The following ST14 variants were observed in gnomAD, a reference collection of about 807,000 sequenced individuals.
ST14 encodes ST14 transmembrane serine protease matriptase, also known as suppressor of tumorigenicity 14 protein.
A neutral mutation model predicts 96.5 loss-of-function variants in ST14; 40 were observed. That is an observed-to-expected ratio of 0.41 (90% confidence interval 0.32 to 0.54). The LOEUF is 0.54. ST14 is among the 20% of genes least tolerant of loss of function. The pLI is 0.17. For synonymous variants in ST14, 506 were observed against 492.1 expected, an observed-to-expected ratio of 1.03 and a Z score of -0.37; for missense variants, 1,066 against 1,188.9, an observed-to-expected ratio of 0.90 and a Z score of 1.52.
At chr11:130,179,366 G>A (rs750810023) in intron 1 of ST14, among the ~76,000 whole-genome samples, 17 of 152,196 alleles carry the variant, frequency 1.1e-4, no homozygotes, top group Non-Finnish European at 2.5e-4. Flanking sequence ...TGCAGGTTTC[G>A]TGAAAATTGG....
At chr11:130,177,942 C>T (rs1953156807) in intron 1 of ST14, among the ~76,000 whole-genome samples, 1 of 152,238 alleles carries the variant, frequency 6.6e-6, no homozygotes, top group Non-Finnish European at 1.5e-5. Context: ...ACCTTTGTGT[C>T]TTTCCACAAG....
Position 130,187,560 on chromosome 11 carries a change from C to T in ST14, c.82-554C>T, listed in dbSNP as rs1953249295. Among the ~76,000 whole-genome samples the T allele has an allele frequency of 6.6e-6, 1 of 152,168 alleles. No individual in the cohort carries two copies. Among genetic ancestry groups the T allele is most frequent in the Non-Finnish European group, 1.5e-5 (1 of 68,032 alleles). On this transcript the variant is annotated intron_variant, in intron 1 of 18. Transcript: ENST00000278742. This position sits in a 1 kb window ranked among gnomAD's most constrained non-coding sequence, Gnocchi z 4.5. The stretch of plus-strand genomic sequence containing the variant: ...CACCTTTTTACTTTTGGCTGGTTCA[C>T]CATTGGCAGGGCAAGGCCGCTGGGT...
rs995399798 is a variant in ST14 at position 130,168,255 on chromosome 11, G to A, written c.81+8195G>A. On this transcript the variant is annotated intron_variant, in intron 1 of 18. Coordinates refer to ENST00000278742, the MANE Select transcript of ST14 (RefSeq NM_021978.4). The stretch of plus-strand genomic sequence containing the variant: ...GGCAAGCAGACCCTGTGGAGGCCAC[G>A]CTAGTCAGACCTCTTGTGGGTTATG... 5.3e-5 allele frequency among the ~76,000 whole-genome samples: 8 copies of A among 152,334 alleles called. No homozygotes were observed. In the East Asian group the frequency reaches 5.8e-4, roughly 11 times the overall value.
intron 1 of ST14, among the ~76,000 whole-genome samples, chr11:130,164,864 A>C (rs1953029011): frequency 6.6e-6 from 1 of 151,730 alleles, no homozygotes; most frequent in East Asian, 1.9e-4. Flanking sequence ...CAGCCTCCCG[A>C]GTAGCTGGGA....
At chr11:130,206,805 C>A (rs901911936) in intron 16 of ST14, among the ~76,000 whole-genome samples, 2 of 152,004 alleles carry the variant, frequency 1.3e-5, no homozygotes, top group African/African-American at 2.4e-5. Context: ...TAACCTCAGG[C>A]GATCCACCCA....
At position 130,209,673 on chromosome 11, in the gene ST14, G is replaced by A; in HGVS notation, c.2418G>A (p.Gly806=). Residue 806 remains glycine, a synonymous_variant, in exon 19 of 19, where the codon GGG becomes GGA. Transcript: ENST00000278742. ...GGVDSCQGDS[G]GPLSSVEADG... ...TTGTCTCCGCCCAGGGTGATTCCGG[G>A]GGACCCCTGTCCAGCGTGGAGGCGG... 1.2e-6 allele frequency: 2 copies of A among 1,612,566 alleles called. No individual in the cohort carries two copies. Among genetic ancestry groups the A allele is most frequent in the African/African-American group, 1.3e-5 (1 of 75,028 alleles).
intron 1 of ST14, among the ~76,000 whole-genome samples, chr11:130,184,141 AG>A (rs1953217548): frequency 6.6e-6 from 1 of 152,182 alleles, no homozygotes; most frequent in South Asian, 2.1e-4. Context: ...AACATGTGGG[AG>A]GGGCCAGGAG....
At chr11:130,172,709 G>T (rs927023060) in intron 1 of ST14, among the ~76,000 whole-genome samples, 6 of 152,122 alleles carry the variant, frequency 3.9e-5, no homozygotes, top group African/African-American at 7.2e-5. Context: ...GAACCACCGC[G>T]CCCGGCCATT....
chr11:130,201,300 G>C (rs1311512763), intron 16 of ST14, among the ~76,000 whole-genome samples: 1 of 152,272 alleles, frequency 6.6e-6, no homozygotes, highest in African/African-American at 2.4e-5. Flanking sequence ...ACAGGGGCAT[G>C]GGCCTTCCAG....
chr11:130,207,086 C>T (rs1337830831), intron 16 of ST14, among the ~76,000 whole-genome samples: 2 of 152,142 alleles, frequency 1.3e-5, no homozygotes, highest in South Asian at 2.1e-4. Flanking sequence ...AGTGCTCGAT[C>T]GCTTCCTGCA....
chr11:130,198,823 G>A, intron 14 of ST14, 124 bp from the exon 15 acceptor site: 2 of 1,590,760 alleles, frequency 1.3e-6, no homozygotes, highest in South Asian at 1.1e-5. Context: ...CAGTGGGCGT[G>A]GGTGGGGCAG....
chr11:130,190,778 A>C (rs1470028617), intron 7 of ST14, 84 bp downstream of exon 7: 1 of 1,457,204 alleles, frequency 6.9e-7, no homozygotes, highest in Non-Finnish European at 9.1e-7. Flanking sequence ...ATTGGGATAC[A>C]GTTTATGACT....
rs567353454 is a variant in ST14 at position 130,175,966 on chromosome 11, G to A, written c.82-12148G>A. On this transcript the variant is annotated intron_variant, in intron 1 of 18. Transcript: ENST00000278742. The stretch of plus-strand genomic sequence containing the variant: ...GCGTGAGCCACCACATCCAGCCTTG[G>A]CTGATTTGTGGTTCTAATGGTTTAT... Among the ~76,000 whole-genome samples the A allele has an allele frequency of 4.5e-4, 68 of 152,340 alleles. 1 individual carries two copies. Among genetic ancestry groups the A allele is most frequent in the African/African-American group, 1.6e-3 (67 of 41,578 alleles).
chr11:130,208,503 C>T lies in ST14; in HGVS notation c.2088C>T (p.Arg696=). ...GGGTGCAGGAGCGCAGGCTCAAGCG[C>T]ATCATCTCCCACCCCTTCTTCAATG... ...APGVQERRLK[R]IISHPFFNDF... Residue 696 remains arginine (R), a synonymous_variant, in exon 17 of 19, where the codon CGC becomes CGT. Coordinates refer to ENST00000278742, the MANE Select transcript of ST14 (RefSeq NM_021978.4). 2 of 1,614,242 alleles carry T rather than the reference C, an allele frequency of 1.2e-6. No individual in the cohort carries two copies. The highest frequency in any genetic ancestry group is 1.3e-5 in the African/African-American group (1 of 75,082).
chr11:130,179,742 A>T (rs1953173572), intron 1 of ST14, among the ~76,000 whole-genome samples: 1 of 152,174 alleles, frequency 6.6e-6, no homozygotes, highest in Non-Finnish European at 1.5e-5. Flanking sequence ...TCAGCTCAGC[A>T]TTGCCCAGGG....
intron 1 of ST14, among the ~76,000 whole-genome samples, chr11:130,182,420 T>A (rs1953201243): frequency 6.6e-6 from 1 of 151,356 alleles, no homozygotes; most frequent in Non-Finnish European, 1.5e-5. Flanking sequence ...CTCCCTGGGT[T>A]CAGATCATCC....
At chr11:130,208,313 C>G in intron 16 of ST14, 97 bp from the exon 17 acceptor site, 1 of 1,556,706 alleles carries the variant, frequency 6.4e-7, no homozygotes, top group Non-Finnish European at 8.8e-7. Context: ...GCAGCTGTGC[C>G]TCATCCATGC....
chr11:130,189,992 G>A lies in ST14; in HGVS notation c.598+96G>A, dbSNP rs577295264. The stretch of plus-strand genomic sequence containing the variant: ...ATTGCAGGGGACCGGCACTCCCAGG[G>A]CCCAGTGCCCCAGAGAGAAGACTAC... On this transcript the variant is annotated intron_variant, in intron 5 of 18. Coordinates refer to ENST00000278742, the MANE Select transcript of ST14 (RefSeq NM_021978.4). 3.8e-4 allele frequency: 617 copies of A among 1,609,620 alleles called. 1 individual carries two copies. The highest frequency in any genetic ancestry group is 1.2e-3 in the Middle Eastern group (7 of 6,034).
intron 16 of ST14, 106 bp downstream of exon 16, chr11:130,200,243 CAT>C: frequency 7.7e-7 from 1 of 1,295,026 alleles, no homozygotes; most frequent in Admixed American, 2.0e-5. Context: ...GGGGTGGCCA[CAT>C]GTGTTAGTCC....
Sources: gnomAD v4.1 joint callset for allele counts (sites outside exome capture counted in the v4.1 genomes callset) on GRCh38, gnomAD v4.1.1 for gene constraint, Gnocchi (gnomAD v3.1) non-coding constraint, MANE v1.5 for transcripts, NCBI Gene and HGNC (gene_info 2026-07-23, HGNC 2026-07-21) for gene names.